The following STARD13 variants were observed in gnomAD, a reference collection of about 807,000 sequenced individuals.
STARD13 encodes stAR-related lipid transfer protein 13.
In STARD13, 62 loss-of-function variants were observed where a neutral mutation model predicts 106.4. The observed-to-expected ratio is 0.58, with a 90% confidence interval of 0.48 to 0.72. The LOEUF (loss-of-function observed/expected upper bound fraction) is 0.72, where lower values mean the gene tolerates loss of function less well. STARD13 is among the 30% of genes least tolerant of loss of function. The probability of loss-of-function intolerance (pLI) is 0.00; values close to 1 mark genes in which losing one functional copy is unlikely to be tolerated. For missense variants in STARD13, 1,387 were observed against 1,424.0 expected (o/e 0.97, Z 0.42); for synonymous variants, 565 against 553.0 (o/e 1.02, Z -0.31).
At chr13:33,121,265 T>C (rs1167822610) in intron 7 of STARD13, among the ~76,000 whole-genome samples, 1 of 152,150 alleles carries the variant, frequency 6.6e-6, no homozygotes, top group Non-Finnish European at 1.5e-5. Flanking sequence ...CCAATAATCA[T>C]TTCTTCTTCA....
the STARD13 span, among the ~76,000 whole-genome samples, chr13:33,554,411 C>G: frequency 6.6e-6 from 1 of 152,054 alleles, no homozygotes; most frequent in African/African-American, 2.4e-5. Context: ...TCTGTGTGAC[C>G]CTGTGCAAGT....
At chr13:33,648,951 C>A in the STARD13 span, among the ~76,000 whole-genome samples, 2 of 151,678 alleles carry the variant, frequency 1.3e-5, no homozygotes, top group Non-Finnish European at 2.9e-5. Flanking sequence ...CATCACCATG[C>A]CCAGCTAATT....
chr13:33,209,376 T>C (rs568823387), intron 1 of STARD13, among the ~76,000 whole-genome samples: 2 of 152,196 alleles, frequency 1.3e-5, no homozygotes, highest in African/African-American at 2.4e-5. Context: ...ACTACCCATA[T>C]TGGGGACCTA....
the STARD13 span, among the ~76,000 whole-genome samples, chr13:33,531,793 ATCTGTATC>A: frequency 2.5e-4 from 38 of 152,168 alleles, no homozygotes; most frequent in Admixed American, 1.4e-3. Flanking sequence ...AATCTATTAC[ATCTGTATC>A]TTTTTTCTTC....
At chr13:33,302,246 A>G (rs1892749814) in intron 1 of STARD13, among the ~76,000 whole-genome samples, 3 of 152,146 alleles carry the variant, frequency 2.0e-5, no homozygotes, top group Admixed American at 2.0e-4. Flanking sequence ...TGACAATAAT[A>G]TTTGTTAAAT....
the STARD13 span, among the ~76,000 whole-genome samples, chr13:33,594,438 G>A: frequency 9.9e-5 from 15 of 152,230 alleles, no homozygotes; most frequent in African/African-American, 3.1e-4. Context: ...CTAAAACCAT[G>A]AACTTTGAAG....
chr13:33,115,864 T>G (rs1875295421), intron 8 of STARD13, among the ~76,000 whole-genome samples: 1 of 152,222 alleles, frequency 6.6e-6, no homozygotes. Context: ...AATTATATTG[T>G]GACCTTAAAG....
intron 1 of STARD13, among the ~76,000 whole-genome samples, chr13:33,283,573 T>A (rs1233079392): frequency 2.6e-5 from 4 of 152,152 alleles, no homozygotes; most frequent in Non-Finnish European, 4.4e-5. Context: ...TACTAAAGAG[T>A]TGTATGATGT....
intron 1 of STARD13, among the ~76,000 whole-genome samples, chr13:33,178,164 C>T (rs1014396562): frequency 1.3e-5 from 2 of 152,122 alleles, no homozygotes; most frequent in Admixed American, 1.3e-4. Context: ...AGTATACTAT[C>T]TATTTTACAT....
the STARD13 span, among the ~76,000 whole-genome samples, chr13:33,362,086 G>T: frequency 2.6e-5 from 4 of 152,134 alleles, no homozygotes; most frequent in Non-Finnish European, 4.4e-5. Context: ...TCACTATAAA[G>T]AAATACCTGA....
the STARD13 span, among the ~76,000 whole-genome samples, chr13:33,387,627 G>A: frequency 2.6e-5 from 4 of 152,144 alleles, no homozygotes; most frequent in African/African-American, 9.7e-5. Flanking sequence ...CGAGATATAA[G>A]GTTTATTGGG....
chr13:33,666,431 C>A, the STARD13 span, among the ~76,000 whole-genome samples: 1 of 151,078 alleles, frequency 6.6e-6, no homozygotes, highest in Non-Finnish European at 1.5e-5. Context: ...GTAGCTGGGA[C>A]TGCAGGCACA....
chr13:33,580,286 G>C, the STARD13 span, among the ~76,000 whole-genome samples: 2,396 of 152,138 alleles, frequency 0.016, 46 homozygotes, highest in East Asian at 0.051. Context: ...GTGAAAAAAA[G>C]GGGATCTGGA....
the STARD13 span, among the ~76,000 whole-genome samples, chr13:33,671,587 TG>T: frequency 7.2e-5 from 11 of 151,952 alleles, no homozygotes; most frequent in Admixed American, 7.2e-4. Flanking sequence ...AAAATTAACT[TG>T]GTGTGGTGGT....
chr13:33,379,034 T>A, the STARD13 span, among the ~76,000 whole-genome samples: 1 of 151,670 alleles, frequency 6.6e-6, no homozygotes, highest in Non-Finnish European at 1.5e-5. Flanking sequence ...CTCTTGAGCC[T>A]GGGAAGTCGA....
chr13:33,270,642 G>A (rs115091064), intron 1 of STARD13, among the ~76,000 whole-genome samples: 120 of 152,256 alleles, frequency 7.9e-4, no homozygotes, highest in African/African-American at 2.4e-3. Context: ...CAGGCCTCCC[G>A]TACCCAGATT....
At chr13:33,428,890 G>C in the STARD13 span, among the ~76,000 whole-genome samples, 5 of 152,296 alleles carry the variant, frequency 3.3e-5, no homozygotes, top group African/African-American at 1.2e-4. Context: ...CTCAAAAGGA[G>C]ACATGCAGAT....
the STARD13 span, among the ~76,000 whole-genome samples, chr13:33,615,114 G>A: frequency 1.3e-5 from 2 of 152,188 alleles, no homozygotes; most frequent in Non-Finnish European, 2.9e-5. Context: ...TGGAGGTAGA[G>A]TCAACAGAAC....
chr13:33,583,191 T>C, the STARD13 span, among the ~76,000 whole-genome samples: 2 of 152,226 alleles, frequency 1.3e-5, no homozygotes, highest in Non-Finnish European at 2.9e-5. Context: ...ACAGACACTG[T>C]CAATGTTAGT....
Sources: allele counts gnomAD v4.1 joint callset (sites outside exome capture counted in the v4.1 genomes callset), GRCh38; gene constraint gnomAD v4.1.1; transcripts MANE v1.5; gene names NCBI Gene and HGNC (gene_info 2026-07-23, HGNC 2026-07-21).